The following TRDN variants were observed in gnomAD, a reference collection of about 807,000 sequenced individuals.
The protein encoded by TRDN is triadin in skeletal muscle.
TRDN carries 161 observed loss-of-function variants against 149.7 expected under a neutral mutation model. That is an observed-to-expected ratio of 1.08 (90% confidence interval 0.95 to 1.23). The LOEUF (loss-of-function observed/expected upper bound fraction) is 1.23, where lower values mean the gene tolerates loss of function less well. Among genes scored for constraint, TRDN ranks in the 50% most tolerant of loss-of-function variants. TRDN has a pLI of 0.00. For synonymous variants in TRDN, 294 were observed against 250.5 expected (o/e 1.17, Z -1.64); for missense variants, 896 against 823.5 (o/e 1.09, Z -1.08).
intron 1 of TRDN, among the ~76,000 whole-genome samples, chr6:123,621,541 A>G (rs1785383360): frequency 6.6e-6 from 1 of 152,282 alleles, no homozygotes; most frequent in African/African-American, 2.4e-5. Context: ...ACAAAAATCT[A>G]TTGGATAAAC....
At chr6:123,529,361 T>C (rs1200059311) in intron 5 of TRDN, 4 of 1,547,660 alleles carry the variant, frequency 2.6e-6, no homozygotes, top group Non-Finnish European at 3.5e-6. Flanking sequence ...GTTTCCTAAG[T>C]ACAAATATAA....
intron 9 of TRDN, among the ~76,000 whole-genome samples, chr6:123,483,075 ATT>A (rs1562339284): frequency 6.4e-5 from 5 of 77,780 alleles, no homozygotes; most frequent in Non-Finnish European, 1.0e-4. Flanking sequence ...ATTTATTATT[ATT>A]ATTATTATTA....
intron 12 of TRDN, among the ~76,000 whole-genome samples, chr6:123,401,103 A>G (rs1466903090): frequency 6.6e-6 from 1 of 152,220 alleles, no homozygotes; most frequent in Non-Finnish European, 1.5e-5. Flanking sequence ...TAAACCAAAT[A>G]TGTGGCAATT....
At chr6:123,587,833 G>T (rs1307684943) in intron 1 of TRDN, among the ~76,000 whole-genome samples, 1 of 152,054 alleles carries the variant, frequency 6.6e-6, no homozygotes, top group Non-Finnish European at 1.5e-5. Flanking sequence ...TTTGAGCCAG[G>T]ATGAGCCAGG....
At chr6:123,636,272 A>C (rs1786310584) in intron 1 of TRDN, among the ~76,000 whole-genome samples, 1 of 152,004 alleles carries the variant, frequency 6.6e-6, no homozygotes, top group African/African-American at 2.4e-5. Flanking sequence ...GGAAAGGAAA[A>C]ACAAATTTAA....
At chr6:123,246,429 C>G (rs185374912) in intron 38 of TRDN, among the ~76,000 whole-genome samples, 80 of 152,228 alleles carry the variant, frequency 5.3e-4, no homozygotes, top group Non-Finnish European at 9.6e-4. Context: ...GAATTGCAAA[C>G]TACCATCAGA....
chr6:123,403,009 G>A (rs531079254), intron 12 of TRDN, among the ~76,000 whole-genome samples: 9 of 152,054 alleles, frequency 5.9e-5, no homozygotes, highest in African/African-American at 2.2e-4. Context: ...AAGAAAGGAG[G>A]GTCCTTGAAA....
intron 20 of TRDN, among the ~76,000 whole-genome samples, chr6:123,365,354 A>G (rs939100452): frequency 1.9e-4 from 29 of 152,270 alleles, no homozygotes; most frequent in African/African-American, 7.0e-4. Flanking sequence ...ATAAACATAA[A>G]TTTATATTAG....
At chr6:123,603,104 C>T (rs1394408873) in intron 1 of TRDN, among the ~76,000 whole-genome samples, 2 of 42,370 alleles carry the variant, frequency 4.7e-5, no homozygotes, top group African/African-American at 1.2e-4. Flanking sequence ...ATGGATAAAT[C>T]AAAGAACTAC....
intron 5 of TRDN, among the ~76,000 whole-genome samples, 191 bp from the exon 6 acceptor site, chr6:123,516,397 T>G (rs1583175398): frequency 6.6e-6 from 1 of 152,128 alleles, no homozygotes; most frequent in East Asian, 1.9e-4. Flanking sequence ...TTCTATTTTA[T>G]TTCATATCCA....
chr6:123,459,349 G>A (rs901920214), intron 10 of TRDN, among the ~76,000 whole-genome samples: 7 of 152,286 alleles, frequency 4.6e-5, no homozygotes, highest in East Asian at 1.9e-4. Flanking sequence ...AGAGATCTGG[G>A]CATCTATTCT....
At chr6:123,600,523 G>C (rs1397790566) in intron 1 of TRDN, among the ~76,000 whole-genome samples, 5 of 151,948 alleles carry the variant, frequency 3.3e-5, no homozygotes, top group Non-Finnish European at 7.4e-5. Flanking sequence ...CCTGGCAGTG[G>C]GGGCCTGAAA....
At chr6:123,369,093 G>A (rs1781225112) in intron 19 of TRDN, among the ~76,000 whole-genome samples, 1 of 152,098 alleles carries the variant, frequency 6.6e-6, no homozygotes, top group Non-Finnish European at 1.5e-5. Flanking sequence ...AAGGATCTTG[G>A]GAAGAATCCT....
rs911261311 is a variant in TRDN at position 123,328,132 on chromosome 6, C to T, written c.1471+3747G>A. Among the ~76,000 whole-genome samples the T allele has an allele frequency of 7.9e-5, 12 of 152,302 alleles. No individual in the cohort carries two copies. The East Asian group carries it at 2.1e-3, about 27-fold the overall frequency. On this transcript the variant is annotated intron_variant, in intron 23 of 40. Coordinates refer to ENST00000334268, the MANE Select transcript of TRDN (RefSeq NM_006073.4). ...GAAAGGCATGTAATGGCAGAAAATC[C>T]TGACTAGCCAACACAACTTGTTCTT...
intron 4 of TRDN, among the ~76,000 whole-genome samples, chr6:123,545,198 A>G (rs185725838): frequency 2.6e-5 from 4 of 152,124 alleles, no homozygotes; most frequent in Admixed American, 6.5e-5. Context: ...TAAAAATCAA[A>G]TGTTTTAAAA....
At chr6:123,218,821 A>G in intron 40 of TRDN, 81 bp from the exon 41 acceptor site, 2 of 1,423,540 alleles carry the variant, frequency 1.4e-6, no homozygotes, top group Non-Finnish European at 1.9e-6. Context: ...AGTGCAGCAG[A>G]TAAGGTCACA....
intron 9 of TRDN, among the ~76,000 whole-genome samples, chr6:123,492,349 C>T (rs1186245142): frequency 6.6e-6 from 1 of 152,116 alleles, no homozygotes; most frequent in Admixed American, 6.5e-5. Flanking sequence ...ATTAAAATTA[C>T]TAAGCACAAG....
intron 19 of TRDN, among the ~76,000 whole-genome samples, chr6:123,371,746 A>G (rs1431065359): frequency 6.6e-6 from 1 of 151,908 alleles, no homozygotes; most frequent in Non-Finnish European, 1.5e-5. Context: ...CAGGACACCA[A>G]CCTCATCTTT....
At chr6:123,457,587 T>C (rs6915179) in intron 10 of TRDN, 78,260 of 441,816 alleles carry the variant, frequency 0.18, 7,860 homozygotes, top group South Asian at 0.28. Flanking sequence ...TGATGCTTTG[T>C]CACCTATTTG....
Sources: allele counts gnomAD v4.1 joint callset (sites outside exome capture counted in the v4.1 genomes callset), GRCh38; gene constraint gnomAD v4.1.1; transcripts MANE v1.5; gene names NCBI Gene and HGNC (gene_info 2026-07-23, HGNC 2026-07-21).